Variants in RBFOX1 observed in about 807,000 individuals in gnomAD.
The protein encoded by RBFOX1 is RNA binding fox-1 homolog 1, also known as RNA binding protein fox-1 homolog 1.
Under a neutral mutation model 57.7 loss-of-function variants are expected in RBFOX1, and 8 were observed. That is an observed-to-expected ratio of 0.14 (90% CI 0.08 to 0.25). RBFOX1 has a LOEUF of 0.25. Ranked by LOEUF, RBFOX1 falls within the 10% of genes least tolerant of loss-of-function variation. RBFOX1 has a pLI of 1.00. For synonymous variants in RBFOX1, 326 were observed against 222.4 expected, an observed-to-expected ratio of 1.47 and a Z score of -4.15; for missense variants, 611 against 548.5, an observed-to-expected ratio of 1.11 and a Z score of -1.14.
intron 4 of RBFOX1, among the ~76,000 whole-genome samples, chr16:7,085,563 T>C (rs954969324): frequency 4.6e-5 from 7 of 152,146 alleles, no homozygotes; most frequent in Admixed American, 4.6e-4. Context: ...TTCAGTAGAA[T>C]ATTTGTGGAA....
intron 1 of RBFOX1, among the ~76,000 whole-genome samples, chr16:6,254,117 A>G (rs2097645801): frequency 6.6e-6 from 1 of 152,110 alleles, no homozygotes; most frequent in Non-Finnish European, 1.5e-5. Context: ...GCCTTCCTTG[A>G]TGGAGGTTCG....
intron 1 of RBFOX1, among the ~76,000 whole-genome samples, chr16:5,429,391 G>A (rs1306722750): frequency 2.0e-5 from 3 of 152,286 alleles, no homozygotes; most frequent in Non-Finnish European, 2.9e-5. Flanking sequence ...GGCCTTAGGC[G>A]GGACTCGGGG....
intron 3 of RBFOX1, among the ~76,000 whole-genome samples, chr16:5,663,778 G>T (rs1038703712): frequency 6.6e-6 from 1 of 152,202 alleles, no homozygotes; most frequent in Admixed American, 6.5e-5. Flanking sequence ...GTCACCTCTT[G>T]TCTGTATTTG....
At chr16:6,745,511 T>A (rs974760949) in intron 3 of RBFOX1, among the ~76,000 whole-genome samples, 9 of 152,184 alleles carry the variant, frequency 5.9e-5, no homozygotes, top group Non-Finnish European at 1.5e-5. Flanking sequence ...AAAATCAATT[T>A]ATGAAATACA....
At chr16:5,713,953 C>G (rs2051590338) in intron 3 of RBFOX1, among the ~76,000 whole-genome samples, 2 of 152,298 alleles carry the variant, frequency 1.3e-5, no homozygotes, top group South Asian at 4.1e-4. Flanking sequence ...GATGTTCTAA[C>G]AGAGCTCAAA....
intron 3 of RBFOX1, among the ~76,000 whole-genome samples, chr16:6,949,597 G>A (rs766880375): frequency 6.6e-6 from 1 of 151,778 alleles, no homozygotes. Flanking sequence ...TTGTGCCTAC[G>A]TGCATCTTGG....
intron 1 of RBFOX1, among the ~76,000 whole-genome samples, chr16:6,311,379 G>A (rs930780385): frequency 6.6e-6 from 1 of 151,756 alleles, no homozygotes; most frequent in Non-Finnish European, 1.5e-5. Context: ...AAATATAAAG[G>A]GAGAAAATGA....
Position 7,173,291 on chromosome 16 carries a change from G to A in RBFOX1, c.27+121193G>A, listed in dbSNP as rs559224635. On this transcript the variant is annotated intron_variant, in intron 4 of 15. Transcript: ENST00000550418. The stretch of plus-strand genomic sequence containing the variant: ...CCTGGTCAAATCCAACGTGCATTTA[G>A]AAACCATAATTTGAAGAAACTAATA... 1.5e-4 allele frequency among the ~76,000 whole-genome samples: 23 copies of A among 152,292 alleles called. 1 individual carries two copies. Among genetic ancestry groups the A allele is most frequent in the Admixed American group, 1.2e-3 (18 of 15,294 alleles).
intron 2 of RBFOX1, among the ~76,000 whole-genome samples, chr16:5,522,279 T>C (rs2044051676): frequency 6.6e-6 from 1 of 152,244 alleles, no homozygotes; most frequent in Non-Finnish European, 1.5e-5. Flanking sequence ...TGTTTGTTCA[T>C]CTGTAAAATG....
intron 2 of RBFOX1, among the ~76,000 whole-genome samples, chr16:6,490,362 A>C (rs1339207443): frequency 1.1e-4 from 16 of 152,168 alleles, no homozygotes. Context: ...ACATGGATGG[A>C]ACATTTTGTA....
intron 1 of RBFOX1, among the ~76,000 whole-genome samples, chr16:6,140,830 A>G (rs887351137): frequency 2.0e-5 from 3 of 152,100 alleles, no homozygotes; most frequent in African/African-American, 7.2e-5. Flanking sequence ...AAAAAGAGCA[A>G]TCTGTGGTTT....
chr16:7,101,197 C>T (rs1005439956), intron 4 of RBFOX1, among the ~76,000 whole-genome samples: 3 of 152,138 alleles, frequency 2.0e-5, no homozygotes, highest in African/African-American at 7.2e-5. Context: ...CTGGCCTATG[C>T]AGGCCCCATT....
chr16:6,172,020 A>T (rs933777256), intron 1 of RBFOX1, among the ~76,000 whole-genome samples: 1 of 151,776 alleles, frequency 6.6e-6, no homozygotes, highest in Non-Finnish European at 1.5e-5. Context: ...ATGGGGTTTC[A>T]CTGTGTTAGG....
At chr16:7,067,102 G>C (rs1046975051) in intron 4 of RBFOX1, among the ~76,000 whole-genome samples, 1 of 152,172 alleles carries the variant, frequency 6.6e-6, no homozygotes, top group Non-Finnish European at 1.5e-5. Context: ...ATATCTGAAG[G>C]GGAACTCATA....
At chr16:7,266,154 T>C (rs2095132139) in intron 4 of RBFOX1, among the ~76,000 whole-genome samples, 2 of 151,922 alleles carry the variant, frequency 1.3e-5, no homozygotes, top group South Asian at 4.2e-4. Context: ...TTTTATATTT[T>C]TTAGTACAGA....
intron 2 of RBFOX1, among the ~76,000 whole-genome samples, chr16:5,503,936 A>G (rs771514822): frequency 5.9e-5 from 9 of 152,124 alleles, no homozygotes; most frequent in Non-Finnish European, 1.0e-4. Context: ...GCCATTTCAT[A>G]TAAATAGCCT....
intron 3 of RBFOX1, among the ~76,000 whole-genome samples, chr16:6,910,274 A>G (rs544199461): frequency 4.6e-5 from 7 of 152,156 alleles, no homozygotes; most frequent in African/African-American, 7.2e-5. Flanking sequence ...CCATACTTCC[A>G]GAATCGTGTA....
intron 3 of RBFOX1, among the ~76,000 whole-genome samples, chr16:6,707,520 A>C (rs1481647220): frequency 1.4e-5 from 2 of 142,270 alleles, no homozygotes; most frequent in East Asian, 2.3e-4. Flanking sequence ...ACTGCAGTGA[A>C]CATCCTTGTA....
intron 2 of RBFOX1, among the ~76,000 whole-genome samples, chr16:6,488,141 T>G (rs1479567878): frequency 1.3e-5 from 2 of 152,152 alleles, no homozygotes; most frequent in Non-Finnish European, 2.9e-5. Flanking sequence ...TAAAGGGCTG[T>G]ATATGAGGAA....
Sources: allele counts gnomAD v4.1 joint callset (sites outside exome capture counted in the v4.1 genomes callset), GRCh38; gene constraint gnomAD v4.1.1; transcripts MANE v1.5; gene names NCBI Gene and HGNC (gene_info 2026-07-23, HGNC 2026-07-21).